Variants in CAPN14 observed in about 807,000 individuals in gnomAD.
CAPN14 encodes calpain 14.
Under a neutral mutation model 101.3 loss-of-function variants are expected in CAPN14, and 94 were observed. The observed-to-expected ratio is 0.93, with a 90% CI of 0.79 to 1.10. CAPN14 has a LOEUF of 1.10. Among genes scored for constraint, CAPN14 ranks in the 50% least tolerant of loss-of-function variants. CAPN14 has a pLI of 0.00. For synonymous variants in CAPN14, 338 were observed against 317.9 expected (o/e 1.06, Z -0.67); for missense variants, 837 against 828.4 (o/e 1.01, Z -0.13).
Position 31,197,304 on chromosome 2 carries a change from C to A in CAPN14, c.820G>T (p.Val274Phe), listed in dbSNP as rs201140422. The change falls in exon 8 of 22, where the codon GTC becomes TTC. Residue 274 changes from valine (V) to phenylalanine (F), a missense_variant. Physicochemically the swap from Val to Phe is conservative, Grantham distance 50. Transcript: ENST00000403897. ...VTCKHRPEYL[V>F]KLRNPWGKVE... ...TTTCCCCAGGGGTTCCGTAGCTTGA[C>A]GAGATATTCAGGTCTATGTTTGCAG... The A allele has an allele frequency of 1.9e-6, 3 of 1,551,038 alleles. No homozygotes were observed. Among genetic ancestry groups the A allele is most frequent in the Admixed American group, 2.0e-5 (1 of 50,992 alleles).
chr2:31,184,794 A>T (rs576530592), intron 16 of CAPN14, among the ~76,000 whole-genome samples: 1 of 152,240 alleles, frequency 6.6e-6, no homozygotes, highest in Non-Finnish European at 1.5e-5. Flanking sequence ...CCTGGAACAC[A>T]ATTTTAAAAG....
intron 15 of CAPN14, among the ~76,000 whole-genome samples, chr2:31,187,336 A>G (rs13387507): frequency 0.4 from 60,138 of 150,612 alleles, 15,382 homozygotes; most frequent in African/African-American, 0.73. Context: ...CCTTCTCTCC[A>G]GGTGACCACT....
At chr2:31,179,431 C>T (rs556606758) in intron 17 of CAPN14, among the ~76,000 whole-genome samples, 93 of 152,232 alleles carry the variant, frequency 6.1e-4, no homozygotes, top group East Asian at 1.2e-3. Flanking sequence ...TAGTATTCCA[C>T]GGTGTATATA....
Position 31,205,468 on chromosome 2 carries a change from C to T in CAPN14, c.-21G>A. 6.5e-7 allele frequency: 1 copy of T among 1,539,006 alleles called. No individual in the cohort carries two copies. Among genetic ancestry groups the T allele is most frequent in the Non-Finnish European group, 8.8e-7 (1 of 1,135,630 alleles). On this transcript the variant is annotated 5_prime_UTR_variant, in exon 2 of 22. Coordinates refer to ENST00000403897, the MANE Select transcript of CAPN14 (RefSeq NM_001145122.2). ...GACATGGCAGGTGGTGGGTACAGTCCAGTGAGTCTTCCTGAGGAGTCTCTG... is the reference window on the plus strand; with the variant it reads ...GACATGGCAGGTGGTGGGTACAGTCTAGTGAGTCTTCCTGAGGAGTCTCTG...
rs60701103 is a variant in CAPN14, at chr2:31,179,060, CTA to C, written c.1711-483_1711-482del. On this transcript the variant is annotated intron_variant, in intron 17 of 21. Coordinates refer to ENST00000403897, the MANE Select transcript of CAPN14 (RefSeq NM_001145122.2). Reference sequence around the variant, plus strand: ...TCTTCTTAACATCCTTTATTGAGTTCTATATATATATATATATATATATATAT... The same window carrying C: ...TCTTCTTAACATCCTTTATTGAGTTCTATATATATATATATATATATATAT... 4.2e-3 allele frequency among the ~76,000 whole-genome samples: 292 copies of C among 69,076 alleles called. 1 individual carries two copies. The Middle Eastern group carries it at 0.056, about 13-fold the overall frequency. 45.3% of individuals were successfully genotyped at this position (69,076 alleles called of 152,430 possible).
At chr2:31,213,311 A>C (rs1161002000) in intron 1 of CAPN14, among the ~76,000 whole-genome samples, 1 of 152,228 alleles carries the variant, frequency 6.6e-6, no homozygotes, top group African/African-American at 2.4e-5. Flanking sequence ...GACTTGACAA[A>C]AGTCTAAAGT....
chr2:31,186,237 C>T (rs929721836), intron 16 of CAPN14, among the ~76,000 whole-genome samples, 191 bp downstream of exon 16: 11 of 152,098 alleles, frequency 7.2e-5, no homozygotes, highest in Admixed American at 3.9e-4. Context: ...ATAATAATAA[C>T]GATTTTCAAA....
intron 15 of CAPN14, 101 bp downstream of exon 15, chr2:31,187,657 C>G: frequency 2.0e-6 from 2 of 1,021,390 alleles, no homozygotes; most frequent in Middle Eastern, 2.1e-4. Flanking sequence ...ATCACAGTTT[C>G]TAAGCAGCCT....
Position 31,186,917 on chromosome 2 carries a change from G to A in CAPN14, c.1588-432C>T, listed in dbSNP as rs78062389. Among the ~76,000 whole-genome samples, 1,362 of 152,292 alleles carry A rather than the reference G, an allele frequency of 8.9e-3. 27 individuals are homozygous for A. Among genetic ancestry groups the A allele is most frequent in the African/African-American group, 0.031 (1,276 of 41,552 alleles). On this transcript the variant is annotated intron_variant, in intron 15 of 21. Transcript: ENST00000403897. ...TTTTATATAGATTGGGATTCTCTAT[G>A]AGACTTCATTTGATAAAAGGATTGC...
chr2:31,195,725 A>C (rs1205047310), intron 8 of CAPN14, among the ~76,000 whole-genome samples: 1 of 152,240 alleles, frequency 6.6e-6, no homozygotes, highest in Non-Finnish European at 1.5e-5. Flanking sequence ...CCTGAAATAA[A>C]GGTTTGTCTT....
chr2:31,211,641 C>G (rs1387787113), intron 1 of CAPN14, among the ~76,000 whole-genome samples: 1 of 148,204 alleles, frequency 6.7e-6, no homozygotes, highest in Admixed American at 6.9e-5. Flanking sequence ...ATCATGGCCC[C>G]AATATTATTA....
At chr2:31,178,403 T>G in intron 18 of CAPN14, 108 bp downstream of exon 18, 17 of 803,832 alleles carry the variant, frequency 2.1e-5, no homozygotes, top group Non-Finnish European at 3.1e-5. Context: ...GAAGGTTTGG[T>G]GAGGTGGATA....
At chr2:31,193,063 G>T in intron 10 of CAPN14, 68 bp downstream of exon 10, 1 of 1,427,234 alleles carries the variant, frequency 7.0e-7, no homozygotes, top group Non-Finnish European at 9.4e-7. Context: ...GCAACCCCCT[G>T]TGCAGTCATT....
chr2:31,206,643 C>G (rs11887960), intron 1 of CAPN14, among the ~76,000 whole-genome samples: 29,646 of 152,050 alleles, frequency 0.19, 3,267 homozygotes, highest in East Asian at 0.37. Context: ...ACATATTGTG[C>G]CAAATACCAA....
chr2:31,220,022 T>C (rs563717716), upstream of CAPN14, among the ~76,000 whole-genome samples: 128 of 152,290 alleles, frequency 8.4e-4, 1 homozygote, highest in African/African-American at 3.1e-3. Flanking sequence ...TAATCAAAAT[T>C]CTCATTCCTT....
intron 1 of CAPN14, chr2:31,228,191 TC>T (rs144028576): frequency 0.017 from 2,579 of 152,436 alleles, 28 homozygotes; most frequent in African/African-American, 0.025. Flanking sequence ...TGGTCCCACT[TC>T]CCAATTCTTC....
intron 1 of CAPN14, among the ~76,000 whole-genome samples, chr2:31,216,644 G>A (rs547680396): frequency 2.6e-5 from 4 of 152,202 alleles, no homozygotes; most frequent in East Asian, 1.9e-4. Flanking sequence ...CCTGGAAGAT[G>A]TACCCAGGCT....
upstream of CAPN14, among the ~76,000 whole-genome samples, chr2:31,220,897 T>C (rs1274865595): frequency 6.6e-6 from 1 of 152,186 alleles, no homozygotes; most frequent in Non-Finnish European, 1.5e-5. Flanking sequence ...AGAAGGGCTT[T>C]GATTTGTGAG....
intron 1 of CAPN14, among the ~76,000 whole-genome samples, chr2:31,214,803 G>A (rs760996056): frequency 2.0e-5 from 3 of 152,204 alleles, no homozygotes; most frequent in East Asian, 1.9e-4. Context: ...AGGAACATCC[G>A]CTCGGCCTTT....
Sources: allele counts gnomAD v4.1 joint callset (sites outside exome capture counted in the v4.1 genomes callset), GRCh38; gene constraint gnomAD v4.1.1; transcripts MANE v1.5; gene names NCBI Gene and HGNC (gene_info 2026-07-23, HGNC 2026-07-21).